The following BBX variants were observed in gnomAD, a reference collection of about 807,000 sequenced individuals.
BBX encodes BBX high mobility group box domain containing.
A neutral mutation model predicts 100.2 loss-of-function variants in BBX; 30 were observed. That is an observed-to-expected ratio of 0.30 (90% confidence interval 0.22 to 0.41). The LOEUF (loss-of-function observed/expected upper bound fraction) is 0.41. Ranked by LOEUF, BBX falls within the 10% of genes least tolerant of loss-of-function variation. The pLI, the probability that BBX is intolerant of heterozygous loss-of-function variation, is 1.00. For missense variants in BBX, 1,023 were observed against 1,129.8 expected (o/e 0.91, Z 1.35); for synonymous variants, 376 against 388.1 (o/e 0.97, Z 0.37).
chr3:107,790,636 T>C (rs1416648186), intron 14 of BBX, among the ~76,000 whole-genome samples: 2 of 152,178 alleles, frequency 1.3e-5, no homozygotes, highest in Non-Finnish European at 2.9e-5. Flanking sequence ...AAGTATTCTG[T>C]AGGTCGGGTT....
chr3:107,798,946 C>G (rs556772550), intron 16 of BBX, among the ~76,000 whole-genome samples: 1 of 151,326 alleles, frequency 6.6e-6, no homozygotes, highest in African/African-American at 2.4e-5. Context: ...GTCAGGAGAT[C>G]GAGACCATCC....
intron 2 of BBX, among the ~76,000 whole-genome samples, chr3:107,632,291 G>A (rs747081225): frequency 1.9e-4 from 29 of 151,982 alleles, no homozygotes; most frequent in Non-Finnish European, 3.8e-4. Context: ...TACCAGGTTG[G>A]CCAGGCTGGT....
chr3:107,726,302 C>A, intron 5 of BBX, among the ~76,000 whole-genome samples: 2 of 151,792 alleles, frequency 1.3e-5, no homozygotes, highest in South Asian at 4.2e-4. Context: ...GAGGCTCTTC[C>A]CACCTCCACC....
intron 2 of BBX, among the ~76,000 whole-genome samples, chr3:107,603,675 G>A (rs2054226620): frequency 6.6e-6 from 1 of 152,064 alleles, no homozygotes; most frequent in African/African-American, 2.4e-5. Flanking sequence ...ACCGTACCCG[G>A]CCTCCTTGTC....
intron 2 of BBX, among the ~76,000 whole-genome samples, chr3:107,590,135 G>A (rs1448245648): frequency 6.6e-6 from 1 of 151,946 alleles, no homozygotes; most frequent in African/African-American, 2.4e-5. Flanking sequence ...CATTTCGTGG[G>A]ACCTTTGTCA....
intron 10 of BBX, among the ~76,000 whole-genome samples, chr3:107,768,937 C>T (rs1017078482): frequency 1.5e-5 from 2 of 134,878 alleles, no homozygotes; most frequent in Non-Finnish European, 3.1e-5. Context: ...GCAGGAGGAT[C>T]GCTTGAGGCC....
At chr3:107,710,895 T>C (rs369946350) in intron 4 of BBX, among the ~76,000 whole-genome samples, 1 of 152,226 alleles carries the variant, frequency 6.6e-6, no homozygotes. Context: ...TACATTGAGA[T>C]GGGGATGTTC....
chr3:107,589,562 T>A (rs1244203590), intron 2 of BBX, among the ~76,000 whole-genome samples: 1 of 152,104 alleles, frequency 6.6e-6, no homozygotes, highest in Admixed American at 6.5e-5. Flanking sequence ...AGTGATCACA[T>A]GATTGTAGTT....
In BBX at chr3:107,618,498, A is replaced by T. The variant is rs146631901; in HGVS notation, c.-83-27338A>T. Reference sequence around the variant, plus strand: ...CCTGAGGTGAGAATTTAAATTATTGATGTGCATGATGTCCTGTTTCAAAAA... The same window carrying T: ...CCTGAGGTGAGAATTTAAATTATTGTTGTGCATGATGTCCTGTTTCAAAAA... On this transcript the variant is annotated intron_variant, in intron 2 of 17. Transcript: ENST00000325805. Among the ~76,000 whole-genome samples, 185 of 152,088 alleles carry T rather than the reference A, an allele frequency of 1.2e-3. 1 individual carries two copies. Among genetic ancestry groups the T allele is most frequent in the African/African-American group, 4.2e-3 (173 of 41,506 alleles).
At chr3:107,747,654 CTT>C (rs537583023) in intron 8 of BBX, among the ~76,000 whole-genome samples, 17 of 143,090 alleles carry the variant, frequency 1.2e-4, no homozygotes, top group African/African-American at 7.7e-5. Context: ...ACATTTTTTC[CTT>C]TTTTTTTTTT....
intron 6 of BBX, among the ~76,000 whole-genome samples, chr3:107,730,202 A>G (rs551476860): frequency 7.9e-5 from 12 of 152,358 alleles, no homozygotes; most frequent in Admixed American, 6.5e-4. Context: ...TGATGCTTCT[A>G]CATGTCCCAG....
intron 2 of BBX, among the ~76,000 whole-genome samples, chr3:107,640,154 G>A (rs952963494): frequency 2.6e-5 from 4 of 152,154 alleles, no homozygotes; most frequent in Admixed American, 1.3e-4. Flanking sequence ...GAGAGGCTTA[G>A]GAATTGGCCC....
chr3:107,573,851 C>T (rs1330000860), intron 2 of BBX, among the ~76,000 whole-genome samples: 1 of 152,088 alleles, frequency 6.6e-6, no homozygotes, highest in Non-Finnish European at 1.5e-5. Context: ...CTCAGCCTCC[C>T]GAGTAGCTGG....
intron 15 of BBX, among the ~76,000 whole-genome samples, chr3:107,793,702 C>G (rs1004447681): frequency 6.6e-6 from 1 of 152,064 alleles, no homozygotes; most frequent in African/African-American, 2.4e-5. Context: ...AAATGTTAGA[C>G]AGGCATTGTT....
In BBX at chr3:107,773,047, A is replaced by G; in HGVS notation, c.1326A>G (p.Ala442=). Residue 442 remains alanine (A), a synonymous_variant, in exon 11 of 18, where the codon GCA becomes GCG. Coordinates refer to ENST00000325805, the MANE Select transcript of BBX (RefSeq NM_001142568.3). The surrounding 1 kb of genome is among the most constrained non-coding windows in gnomAD (Gnocchi z 4.1). ...PHGIMIIEDP[A]ALNKPEKLKK... is the part of the protein sequence containing the mutation. ...GAATTATGATCATTGAGGATCCCGCAGCATTAAACAAGCCAGAAAAGCTAA... is the reference window on the plus strand; with the variant it reads ...GAATTATGATCATTGAGGATCCCGCGGCATTAAACAAGCCAGAAAAGCTAA... The G allele has an allele frequency of 6.2e-7, 1 of 1,614,010 alleles. No individual in the cohort carries two copies. Among genetic ancestry groups the G allele is most frequent in the East Asian group, 2.2e-5 (1 of 44,884 alleles).
At chr3:107,565,443 T>TTTTA (rs80145598) in intron 2 of BBX, among the ~76,000 whole-genome samples, 79,287 of 136,676 alleles carry the variant, frequency 0.58, 23,382 homozygotes, top group East Asian at 0.84. Context: ...AATAGTTTTA[T>TTTTA]TTTATTTATT....
At chr3:107,703,675 A>G (rs1347075986) in intron 3 of BBX, among the ~76,000 whole-genome samples, 1 of 152,180 alleles carries the variant, frequency 6.6e-6, no homozygotes. Context: ...CACTTTTTGC[A>G]TGACTAGTGA....
chr3:107,772,401 G>A (rs2066980389), intron 10 of BBX, among the ~76,000 whole-genome samples: 1 of 152,324 alleles, frequency 6.6e-6, no homozygotes. Flanking sequence ...GCTAGAAAAT[G>A]ACAATTCAGA....
Position 107,772,840 on chromosome 3 carries a change from T to A in BBX, c.1119T>A (p.Phe373Leu), listed in dbSNP as rs1272719828. ...NLRDSKELRN[F>L]EALQIDDIMA... ...GAGATTCTAAGGAATTGAGAAATTT[T>A]GAGGCATTGCAAATAGATGACATAA... The change falls in exon 11 of 18, where the codon TTT (phenylalanine) becomes TTA (leucine). Residue 373 changes from phenylalanine (F) to leucine (L), a missense_variant. By Grantham distance (22) the Phe-to-Leu change is conservative. This residue lies in a region of BBX where 348 missense variants were observed against 353.2 expected (regional missense o/e 0.99). Coordinates refer to ENST00000325805, the MANE Select transcript of BBX (RefSeq NM_001142568.3). 1 of 1,613,666 alleles carries A rather than the reference T, an allele frequency of 6.2e-7. No homozygotes were observed. The highest frequency in any genetic ancestry group is 8.5e-7 in the Non-Finnish European group (1 of 1,179,914).
Sources: gnomAD v4.1 joint callset for allele counts (sites outside exome capture counted in the v4.1 genomes callset) on GRCh38, gnomAD v4.1.1 for gene constraint, gnomAD v4.1.1 regional missense constraint, Gnocchi (gnomAD v3.1) non-coding constraint, MANE v1.5 for transcripts, NCBI Gene and HGNC (gene_info 2026-07-23, HGNC 2026-07-21) for gene names.